DLG2: variants seen among roughly 807,000 people sequenced by gnomAD.
DLG2 encodes discs large MAGUK scaffold protein 2.
In DLG2, 45 loss-of-function variants were observed where a neutral mutation model predicts 132.5. The ratio of observed to expected loss-of-function variants is 0.34; its 90% CI spans 0.27 to 0.44. DLG2 has a LOEUF of 0.44. Among genes scored for constraint, DLG2 ranks in the 20% least tolerant of loss-of-function variants. DLG2 has a pLI of 1.00. For synonymous variants in DLG2, 424 were observed against 419.6 expected, an observed-to-expected ratio of 1.01 and a Z score of -0.13; for missense variants, 1,045 against 1,196.9, an observed-to-expected ratio of 0.87 and a Z score of 1.87.
At chr11:83,684,259 A>G (rs912454727) in intron 18 of DLG2, among the ~76,000 whole-genome samples, 5 of 152,090 alleles carry the variant, frequency 3.3e-5, no homozygotes, top group African/African-American at 4.8e-5. Context: ...AGAAACTGCT[A>G]TCTTCAAGGT....
intron 3 of DLG2, among the ~76,000 whole-genome samples, chr11:85,354,266 A>G (rs535817851): frequency 1.3e-5 from 2 of 152,310 alleles, no homozygotes; most frequent in East Asian, 1.9e-4. Flanking sequence ...AAAAATTGAT[A>G]TAAATTAAAA....
chr11:83,630,287 T>C (rs938501830), intron 19 of DLG2, among the ~76,000 whole-genome samples: 1 of 152,122 alleles, frequency 6.6e-6, no homozygotes, highest in African/African-American at 2.4e-5. Flanking sequence ...AGGTACATTC[T>C]CTCTGACACC....
intron 6 of DLG2, among the ~76,000 whole-genome samples, chr11:84,955,993 T>C (rs2051607545): frequency 6.6e-6 from 1 of 152,164 alleles, no homozygotes; most frequent in Non-Finnish European, 1.5e-5. Flanking sequence ...TAGCAGATAA[T>C]GGGAAGCACT....
At chr11:84,714,234 AG>A (rs982145243) in intron 6 of DLG2, among the ~76,000 whole-genome samples, 41 of 152,196 alleles carry the variant, frequency 2.7e-4, no homozygotes, top group African/African-American at 9.6e-4. Context: ...AAATAGGTAA[AG>A]GGAAACTACC....
intron 7 of DLG2, among the ~76,000 whole-genome samples, chr11:84,408,497 G>A (rs1425439302): frequency 3.3e-5 from 5 of 152,022 alleles, no homozygotes; most frequent in Admixed American, 2.0e-4. Context: ...CACTTGCTTG[G>A]GACTCAGGGT....
chr11:84,113,570 A>T (rs887502144), intron 9 of DLG2, among the ~76,000 whole-genome samples: 2 of 152,226 alleles, frequency 1.3e-5, no homozygotes, highest in African/African-American at 4.8e-5. Flanking sequence ...TTCACCACCA[A>T]TGAGCTGACA....
intron 3 of DLG2, among the ~76,000 whole-genome samples, chr11:85,414,464 T>C (rs1382679067): frequency 6.6e-6 from 1 of 151,798 alleles, no homozygotes; most frequent in East Asian, 1.9e-4. Flanking sequence ...AAAGAGTGCT[T>C]GATATAATTT....
chr11:84,793,535 C>T (rs1212465908), intron 6 of DLG2, among the ~76,000 whole-genome samples: 1 of 152,140 alleles, frequency 6.6e-6, no homozygotes, highest in African/African-American at 2.4e-5. Context: ...TGAGGTCTAT[C>T]TCTTTATTTA....
At position 83,498,332 on chromosome 11, in the gene DLG2, A is replaced by C. The variant is rs1347939883; in HGVS notation, c.2194-14104T>G. Among the ~76,000 whole-genome samples, 3 of 152,108 alleles carry C rather than the reference A, an allele frequency of 2.0e-5. 1 individual carries two copies. Among genetic ancestry groups the C allele is most frequent in the African/African-American group, 7.2e-5 (3 of 41,452 alleles). On this transcript the variant is annotated intron_variant, in intron 21 of 27. Transcript: ENST00000376104. ...GACACACTTTCCCAATTATTAGAAAATCTTTAGAAGCATCAGTTTTAATGA... is the reference window on the plus strand; with the variant it reads ...GACACACTTTCCCAATTATTAGAAACTCTTTAGAAGCATCAGTTTTAATGA...
At chr11:84,966,541 G>C (rs2053374708) in intron 6 of DLG2, among the ~76,000 whole-genome samples, 1 of 152,096 alleles carries the variant, frequency 6.6e-6, no homozygotes, top group African/African-American at 2.4e-5. Context: ...TCTACTGGTG[G>C]CAAGAAGACC....
chr11:84,029,536 T>C (rs2095634045), intron 11 of DLG2, among the ~76,000 whole-genome samples: 2 of 152,046 alleles, frequency 1.3e-5, no homozygotes, highest in African/African-American at 4.8e-5. Flanking sequence ...AGAGTATTAG[T>C]TGGAGTGGAT....
chr11:83,594,597 A>C (rs1395970399), intron 19 of DLG2, among the ~76,000 whole-genome samples: 1 of 152,194 alleles, frequency 6.6e-6, no homozygotes, highest in African/African-American at 2.4e-5. Flanking sequence ...AATACAGGGA[A>C]AACTATCTAA....
chr11:84,344,482 A>T lies in DLG2; in HGVS notation c.520-93191T>A, dbSNP rs529142893. 4.1e-4 allele frequency among the ~76,000 whole-genome samples: 62 copies of T among 152,328 alleles called. 2 individuals are homozygous for T. In the South Asian group the frequency reaches 0.012, roughly 29 times the overall value. On this transcript the variant is annotated intron_variant, in intron 7 of 27. Transcript: ENST00000376104. ...ACCTCTTCTAATGGAAGAAAACTGG[A>T]GAAAGTAGAACCAACTCAGAGCTCT...
At chr11:84,314,428 C>T (rs1181595372) in intron 7 of DLG2, among the ~76,000 whole-genome samples, 2 of 152,084 alleles carry the variant, frequency 1.3e-5, no homozygotes, top group Non-Finnish European at 2.9e-5. Context: ...CACACATGCT[C>T]TTATTTTTGT....
At chr11:83,963,146 T>C (rs1293942258) in intron 13 of DLG2, 123 bp from the exon 14 acceptor site, 2 of 1,078,964 alleles carry the variant, frequency 1.9e-6, no homozygotes, top group Admixed American at 4.3e-5. Context: ...GTTTTTCTTG[T>C]CCTCCCAGAG....
At chr11:85,511,210 C>T (rs180784745) in intron 3 of DLG2, among the ~76,000 whole-genome samples, 239 of 151,746 alleles carry the variant, frequency 1.6e-3, no homozygotes, top group African/African-American at 2.7e-3. Flanking sequence ...CATCACACAC[C>T]GGGGCCTGTT....
intron 8 of DLG2, among the ~76,000 whole-genome samples, chr11:84,237,227 C>A (rs2097170316): frequency 6.6e-6 from 1 of 151,936 alleles, no homozygotes; most frequent in African/African-American, 2.4e-5. Flanking sequence ...TGTGCCCAGC[C>A]CAGCATCAGT....
intron 6 of DLG2, among the ~76,000 whole-genome samples, chr11:84,706,796 C>T (rs1455519312): frequency 1.3e-5 from 2 of 151,792 alleles, no homozygotes; most frequent in African/African-American, 4.8e-5. Context: ...CTACAAATTT[C>T]ATTACATTGG....
intron 14 of DLG2, among the ~76,000 whole-genome samples, chr11:83,931,893 G>A (rs570853952): frequency 2.0e-5 from 3 of 152,224 alleles, no homozygotes; most frequent in African/African-American, 4.8e-5. Flanking sequence ...ATTCTTCACC[G>A]TTCAAAGTCT....
Sources: allele counts gnomAD v4.1 joint callset (sites outside exome capture counted in the v4.1 genomes callset), GRCh38; gene constraint gnomAD v4.1.1; transcripts MANE v1.5; gene names NCBI Gene and HGNC (gene_info 2026-07-23, HGNC 2026-07-21).